Variants in AKAP6 observed in about 807,000 individuals in gnomAD.
AKAP6 encodes the protein A-kinase anchoring protein 6, also known as A-kinase anchor protein 6.
Under a neutral mutation model 188.5 loss-of-function variants are expected in AKAP6, and 58 were observed. That is an observed-to-expected ratio of 0.31 (90% confidence interval 0.25 to 0.38). The LOEUF is 0.38. Ranked by LOEUF, AKAP6 falls within the 10% of genes least tolerant of loss-of-function variation. The pLI is 1.00. For synonymous variants in AKAP6, 989 were observed against 998.6 expected, an observed-to-expected ratio of 0.99 and a Z score of 0.18; for missense variants, 2,710 against 2,740.0, an observed-to-expected ratio of 0.99 and a Z score of 0.24.
intron 1 of AKAP6, among the ~76,000 whole-genome samples, chr14:32,397,404 G>T (rs1441991458): frequency 6.7e-6 from 1 of 149,358 alleles, no homozygotes; most frequent in African/African-American, 2.5e-5. Context: ...TTGAGATGGG[G>T]TCTTACTTTG....
intron 2 of AKAP6, chr14:32,494,470 A>T (rs903368582): frequency 3.9e-5 from 6 of 152,124 alleles, no homozygotes; most frequent in Non-Finnish European, 7.3e-5. Context: ...TCAGTGGAGT[A>T]CTTTATTAGA....
chr14:32,660,925 C>CAA (rs1491272831), intron 7 of AKAP6, among the ~76,000 whole-genome samples: 1 of 39,432 alleles, frequency 2.5e-5, no homozygotes, highest in Non-Finnish European at 4.4e-5. Flanking sequence ...TTCCCCGCCA[C>CAA]CCCCCCCCCT....
intron 1 of AKAP6, among the ~76,000 whole-genome samples, chr14:32,361,667 A>G (rs1887668935): frequency 6.6e-6 from 1 of 152,158 alleles, no homozygotes; most frequent in Non-Finnish European, 1.5e-5. Context: ...TTGAATTTGT[A>G]TTGGTTTTTA....
intron 8 of AKAP6, among the ~76,000 whole-genome samples, chr14:32,685,608 C>T (rs1889885834): frequency 6.6e-6 from 1 of 151,164 alleles, no homozygotes; most frequent in Non-Finnish European, 1.5e-5. Flanking sequence ...CCTGTACTCC[C>T]AGCTACTAGG....
At chr14:32,609,157 G>A (rs1173600246) in intron 7 of AKAP6, among the ~76,000 whole-genome samples, 2 of 152,062 alleles carry the variant, frequency 1.3e-5, no homozygotes, top group African/African-American at 4.8e-5. Context: ...GCTTTCAAAT[G>A]TACACACACC....
At chr14:32,601,843 C>A (rs531169702) in intron 7 of AKAP6, among the ~76,000 whole-genome samples, 105 of 152,282 alleles carry the variant, frequency 6.9e-4, no homozygotes, top group Middle Eastern at 3.4e-3. Flanking sequence ...CCCATCCAGC[C>A]CTGCAATGTT....
chr14:32,453,426 T>A (rs1891001924), intron 2 of AKAP6, among the ~76,000 whole-genome samples: 1 of 152,162 alleles, frequency 6.6e-6, no homozygotes, highest in Admixed American at 6.5e-5. Context: ...TAAGCCAGTG[T>A]TGTAATCTAG....
chr14:32,645,410 C>T (rs550413617), intron 7 of AKAP6, among the ~76,000 whole-genome samples: 76 of 152,254 alleles, frequency 5.0e-4, no homozygotes, highest in Admixed American at 3.6e-3. Flanking sequence ...TATTTCATAA[C>T]TGGGCTCCTC....
intron 1 of AKAP6, among the ~76,000 whole-genome samples, chr14:32,380,173 C>T (rs748915050): frequency 3.6e-4 from 55 of 152,302 alleles, no homozygotes; most frequent in East Asian, 7.7e-4. Flanking sequence ...CCTATTGCTC[C>T]TGGCATTGAA....
At chr14:32,522,931 G>A (rs1490481110) in intron 2 of AKAP6, among the ~76,000 whole-genome samples, 1 of 152,140 alleles carries the variant, frequency 6.6e-6, no homozygotes, top group African/African-American at 2.4e-5. Flanking sequence ...TAACCCAAAT[G>A]TCCATCAATG....
chr14:32,365,326 A>G (rs1273926309), intron 1 of AKAP6, among the ~76,000 whole-genome samples: 2 of 152,086 alleles, frequency 1.3e-5, no homozygotes, highest in African/African-American at 4.8e-5. Context: ...CCTAGAATGC[A>G]TTTCCACACT....
At chr14:32,519,952 C>T (rs1388517548) in intron 2 of AKAP6, among the ~76,000 whole-genome samples, 1 of 152,170 alleles carries the variant, frequency 6.6e-6, no homozygotes. Context: ...GGAAATAAAG[C>T]ACCCCTCAGC....
chr14:32,782,440 C>G (rs1053452525), intron 12 of AKAP6, among the ~76,000 whole-genome samples: 7 of 151,998 alleles, frequency 4.6e-5, no homozygotes, highest in Non-Finnish European at 8.8e-5. Context: ...TTAAGACATG[C>G]CATTTGTCAA....
intron 7 of AKAP6, 88 bp from the exon 8 acceptor site, chr14:32,678,223 G>T: frequency 1.4e-6 from 2 of 1,399,134 alleles, no homozygotes; most frequent in South Asian, 1.4e-5. Flanking sequence ...ATGATGTGAA[G>T]AATTCCCATT....
intron 8 of AKAP6, among the ~76,000 whole-genome samples, chr14:32,683,214 G>A (rs1889769007): frequency 6.6e-6 from 1 of 151,880 alleles, no homozygotes; most frequent in African/African-American, 2.4e-5. Flanking sequence ...GGTTAGTCTC[G>A]AACTCCTAAC....
intron 10 of AKAP6, 34 bp downstream of exon 10, chr14:32,732,634 G>T (rs1274611548): frequency 1.9e-6 from 3 of 1,609,782 alleles, no homozygotes; most frequent in South Asian, 1.1e-5. Flanking sequence ...TGTAGGTTAT[G>T]TGTACATTTT....
Position 32,699,898 on chromosome 14 carries a change from TAG to T in AKAP6, c.3000+3791_3000+3792del, listed in dbSNP as rs550682738. Among the ~76,000 whole-genome samples the T allele has an allele frequency of 4.1e-4, 63 of 152,350 alleles. No individual in the cohort carries two copies. In the South Asian group the frequency reaches 0.013, roughly 31 times the overall value. ...TTGAAAGTTCAGCTCCTATTTGGAC[TAG>T]AGTTACGACGCCAGAATTCATAATC... On this transcript the variant is annotated intron_variant, in intron 9 of 13. Transcript: ENST00000280979.
chr14:32,701,560 G>A (rs1890621069), intron 9 of AKAP6, among the ~76,000 whole-genome samples: 5 of 151,834 alleles, frequency 3.3e-5, no homozygotes, highest in Admixed American at 3.3e-4. Flanking sequence ...AAATACGTGT[G>A]GAATAGAATT....
At chr14:32,581,034 G>T (rs577648840) in intron 5 of AKAP6, among the ~76,000 whole-genome samples, 1 of 152,254 alleles carries the variant, frequency 6.6e-6, no homozygotes, top group African/African-American at 2.4e-5. Context: ...TGTCTTTATA[G>T]CAGCATGATT....
Sources: allele counts gnomAD v4.1 joint callset (sites outside exome capture counted in the v4.1 genomes callset), GRCh38; gene constraint gnomAD v4.1.1; transcripts MANE v1.5; gene names NCBI Gene and HGNC (gene_info 2026-07-23, HGNC 2026-07-21).